FAM193A: variants seen among roughly 807,000 people sequenced by gnomAD.
FAM193A encodes protein FAM193A.
A neutral mutation model predicts 126.5 loss-of-function variants in FAM193A; 22 were observed. The observed-to-expected ratio is 0.17, with a 90% CI of 0.12 to 0.25. The LOEUF is 0.25. Among genes scored for constraint, FAM193A ranks in the 10% least tolerant of loss-of-function variants. FAM193A has a pLI of 1.00. For synonymous variants in FAM193A, 761 were observed against 646.8 expected (o/e 1.18, Z -2.68); for missense variants, 1,675 against 1,672.8 (o/e 1.00, Z -0.02).
At chr4:2,563,494 C>T (rs1309774615) in intron 1 of FAM193A, among the ~76,000 whole-genome samples, 2 of 147,808 alleles carry the variant, frequency 1.4e-5, no homozygotes, top group African/African-American at 2.5e-5. Context: ...TGCTTGAGGT[C>T]GGGAGTTCAA....
intron 19 of FAM193A, among the ~76,000 whole-genome samples, chr4:2,707,370 A>G (rs1194338944): frequency 6.6e-6 from 1 of 152,126 alleles, no homozygotes; most frequent in African/African-American, 2.4e-5. Context: ...TTTAAATGGG[A>G]TCTTCTCCAC....
At chr4:2,677,184 G>A (rs1397432209) in intron 13 of FAM193A, among the ~76,000 whole-genome samples, 1 of 152,118 alleles carries the variant, frequency 6.6e-6, no homozygotes, top group Non-Finnish European at 1.5e-5. Context: ...AGTTGTACCA[G>A]TACCATTTGT....
At chr4:2,559,939 A>G (rs1578596004) in intron 1 of FAM193A, among the ~76,000 whole-genome samples, 1 of 150,582 alleles carries the variant, frequency 6.6e-6, no homozygotes, top group South Asian at 2.1e-4. Context: ...GCCTTTGTGC[A>G]CGCTTTTCTT....
intron 13 of FAM193A, among the ~76,000 whole-genome samples, chr4:2,673,124 C>T (rs968917209): frequency 1.3e-5 from 2 of 152,162 alleles, no homozygotes; most frequent in East Asian, 3.8e-4. Context: ...TTGAGCTTAA[C>T]TTTACCAGAA....
rs756140329 is a variant in FAM193A, at chr4:2,693,698, G to GTCACCTGCTGCGCTC, written c.2925_2939dup (p.Ala976_Ala980dup). The GTCACCTGCTGCGCTC allele has an allele frequency of 5.8e-5, 93 of 1,614,034 alleles. No homozygotes were observed. Among genetic ancestry groups the GTCACCTGCTGCGCTC allele is most frequent in the Non-Finnish European group, 7.2e-5 (85 of 1,180,038 alleles). The stretch of plus-strand genomic sequence containing the variant: ...TCCCAGCGCTCTCGCCTGCTGCGCT[G>GTCACCTGCTGCGCTC]TCACCTGCTGCGCTCTCACCTGCCT... On this transcript the variant is annotated inframe_insertion, in exon 16 of 21. Coordinates refer to ENST00000637812, the MANE Select transcript of FAM193A (RefSeq NM_001366318.2).
intron 6 of FAM193A, among the ~76,000 whole-genome samples, chr4:2,642,151 A>G (rs927115976): frequency 1.7e-4 from 25 of 151,174 alleles, no homozygotes; most frequent in African/African-American, 5.6e-4. Flanking sequence ...AAAAAAAAAA[A>G]AAATTAGCTG....
chr4:2,579,703 A>C (rs1739810925), intron 1 of FAM193A, among the ~76,000 whole-genome samples: 2 of 145,764 alleles, frequency 1.4e-5, no homozygotes, highest in Non-Finnish European at 3.0e-5. Context: ...TGTCTCAAAA[A>C]CAAAACAAAA....
chr4:2,551,733 G>A lies in FAM193A; in HGVS notation c.255+14563G>A, dbSNP rs189259283. Among the ~76,000 whole-genome samples, 794 of 148,130 alleles carry A rather than the reference G, an allele frequency of 5.4e-3. 9 individuals carry two copies. Among genetic ancestry groups the A allele is most frequent in the Non-Finnish European group, 5.9e-3 (397 of 67,022 alleles). ...AAACCTTTTTGAAGAACCAGCTGTT[G>A]GTTTTACTGATTTTTCTCTGTTTTT... On this transcript the variant is annotated intron_variant, in intron 1 of 20. Transcript: ENST00000637812.
chr4:2,579,434 A>G (rs952807993), intron 1 of FAM193A, among the ~76,000 whole-genome samples: 10 of 152,170 alleles, frequency 6.6e-5, no homozygotes, highest in African/African-American at 2.4e-4. Flanking sequence ...GTGGTGGCTC[A>G]CACCTGTAAT....
intron 13 of FAM193A, among the ~76,000 whole-genome samples, chr4:2,678,458 G>A (rs1421918933): frequency 2.0e-5 from 3 of 150,272 alleles, no homozygotes; most frequent in African/African-American, 7.4e-5. Flanking sequence ...CACCACCCAG[G>A]TTCAAGCGAT....
At chr4:2,683,673 T>C (rs761553945) in intron 13 of FAM193A, among the ~76,000 whole-genome samples, 1 of 152,246 alleles carries the variant, frequency 6.6e-6, no homozygotes, top group Non-Finnish European at 1.5e-5. Flanking sequence ...TTATTCCACT[T>C]GATGTTCTCT....
intron 13 of FAM193A, among the ~76,000 whole-genome samples, chr4:2,689,191 C>T (rs991440606): frequency 2.0e-5 from 3 of 152,202 alleles, no homozygotes; most frequent in African/African-American, 7.2e-5. Flanking sequence ...ACAGATCTTA[C>T]GACGCACATG....
intron 4 of FAM193A, among the ~76,000 whole-genome samples, chr4:2,628,444 G>C (rs917478750): frequency 6.6e-6 from 1 of 152,066 alleles, no homozygotes. Flanking sequence ...TTCAAGACTA[G>C]CCTGGGCAAC....
chr4:2,604,912 C>T (rs566182041), intron 2 of FAM193A, among the ~76,000 whole-genome samples: 1 of 149,390 alleles, frequency 6.7e-6, no homozygotes, highest in Non-Finnish European at 1.5e-5. Flanking sequence ...ATTCTCCCAG[C>T]TTAGCCTCCT....
At chr4:2,593,504 CTATT>C (rs907401929) in intron 1 of FAM193A, among the ~76,000 whole-genome samples, 3 of 152,182 alleles carry the variant, frequency 2.0e-5, no homozygotes, top group Non-Finnish European at 2.9e-5. Context: ...CTCCTTATCA[CTATT>C]TAATTAGTTA....
chr4:2,669,626 A>G (rs1286290387), intron 12 of FAM193A, among the ~76,000 whole-genome samples: 1 of 151,570 alleles, frequency 6.6e-6, no homozygotes, highest in Non-Finnish European at 1.5e-5. Context: ...ATAAATAAAT[A>G]ATAAATAGAG....
intron 7 of FAM193A, chr4:2,654,378 ATTTTTTTTTTTTT>A (rs372926172): frequency 3.5e-5 from 4 of 114,588 alleles, no homozygotes; most frequent in Admixed American, 9.3e-5. Flanking sequence ...TGCCTGGCTA[ATTTTTTTTTTTTT>A]TTTTTTTTTT....
intron 2 of FAM193A, 123 bp downstream of exon 2, chr4:2,596,452 T>G (rs1414277726): frequency 1.6e-6 from 1 of 621,734 alleles, no homozygotes; most frequent in Non-Finnish European, 2.9e-6. Context: ...CTGCACCACC[T>G]TCTAGTCTGT....
At chr4:2,705,697 C>G (rs147389197) in intron 19 of FAM193A, among the ~76,000 whole-genome samples, 2 of 151,888 alleles carry the variant, frequency 1.3e-5, no homozygotes, top group East Asian at 1.9e-4. Flanking sequence ...TCAAGTGATT[C>G]TCCCGCCTCA....
Sources: gnomAD v4.1 joint callset for allele counts (sites outside exome capture counted in the v4.1 genomes callset) on GRCh38, gnomAD v4.1.1 for gene constraint, MANE v1.5 for transcripts, NCBI Gene and HGNC (gene_info 2026-07-23, HGNC 2026-07-21) for gene names.